The following FHIT variants were observed in gnomAD, a reference collection of about 807,000 sequenced individuals.
The protein encoded by FHIT is fragile histidine triad diadenosine triphosphatase, also known as bis(5'-adenosyl)-triphosphatase.
FHIT carries 19 observed loss-of-function variants against 17.9 expected under a neutral mutation model. That is an observed-to-expected ratio of 1.06 (90% confidence interval 0.74 to 1.56). FHIT has a LOEUF of 1.56. FHIT is among the 40% of genes most tolerant of loss of function. The pLI is 0.00. For synonymous variants in FHIT, 81 were observed against 69.7 expected, an observed-to-expected ratio of 1.16 and a Z score of -0.81; for missense variants, 248 against 189.2, an observed-to-expected ratio of 1.31 and a Z score of -1.82.
chr3:60,367,972 G>A (rs1358458736), intron 5 of FHIT, among the ~76,000 whole-genome samples: 1 of 152,072 alleles, frequency 6.6e-6, no homozygotes, highest in Non-Finnish European at 1.5e-5. Context: ...ACAGGTATTA[G>A]AAATTTTTCT....
At chr3:60,362,010 CTG>C (rs1699924888) in intron 5 of FHIT, among the ~76,000 whole-genome samples, 1 of 152,152 alleles carries the variant, frequency 6.6e-6, no homozygotes, top group South Asian at 2.1e-4. Flanking sequence ...CTCAACCAAA[CTG>C]TGCACACATC....
chr3:60,546,708 G>A (rs182178860), intron 4 of FHIT, among the ~76,000 whole-genome samples: 205 of 152,200 alleles, frequency 1.3e-3, no homozygotes, highest in Non-Finnish European at 2.0e-3. Context: ...ACACTTTTGA[G>A]TGGATAAAGA....
At chr3:60,089,619 C>G (rs906646255) in intron 5 of FHIT, among the ~76,000 whole-genome samples, 1 of 152,138 alleles carries the variant, frequency 6.6e-6, no homozygotes, top group African/African-American at 2.4e-5. Context: ...GAAAGGCTTA[C>G]CCACTGTCTT....
intron 4 of FHIT, among the ~76,000 whole-genome samples, chr3:60,802,933 C>A (rs1701243989): frequency 6.6e-6 from 1 of 152,170 alleles, no homozygotes; most frequent in African/African-American, 2.4e-5. Flanking sequence ...CCTCTTCTGT[C>A]TTGCCTATGT....
intron 8 of FHIT, among the ~76,000 whole-genome samples, chr3:59,788,881 G>GTTTTGTTTTTTTTTTTTTTTT (rs1553677013): frequency 1.2e-5 from 1 of 86,804 alleles, no homozygotes; most frequent in African/African-American, 4.6e-5. Flanking sequence ...GAGTTCATAT[G>GTTTTGTTTTTTTTTTTTTTTT]TTTTTTTTTT....
At chr3:60,719,296 C>T (rs887407939) in intron 4 of FHIT, among the ~76,000 whole-genome samples, 1 of 152,130 alleles carries the variant, frequency 6.6e-6, no homozygotes, top group African/African-American at 2.4e-5. Flanking sequence ...CCAATTTGAC[C>T]TTAAAAATCT....
chr3:60,316,948 A>G (rs1406309708), intron 5 of FHIT, among the ~76,000 whole-genome samples: 1 of 152,198 alleles, frequency 6.6e-6, no homozygotes, highest in Non-Finnish European at 1.5e-5. Flanking sequence ...CGATTGAAAT[A>G]AAATCTCTGG....
intron 4 of FHIT, among the ~76,000 whole-genome samples, chr3:60,798,424 C>A (rs2594165): frequency 0.39 from 59,791 of 151,830 alleles, 13,186 homozygotes; most frequent in East Asian, 0.78. Flanking sequence ...ATATTTGGCC[C>A]ATTTTCAATC....
chr3:60,462,640 T>C (rs539057693), intron 5 of FHIT, among the ~76,000 whole-genome samples: 1 of 152,032 alleles, frequency 6.6e-6, no homozygotes, highest in South Asian at 2.1e-4. Context: ...ATAAAGGGCT[T>C]GGAGAGCAGG....
chr3:61,101,394 G>A (rs1442677532), intron 2 of FHIT, among the ~76,000 whole-genome samples: 1 of 152,090 alleles, frequency 6.6e-6, no homozygotes, highest in East Asian at 1.9e-4. Context: ...TATTTCTGGG[G>A]CTCTGTTCTA....
intron 7 of FHIT, among the ~76,000 whole-genome samples, chr3:59,944,506 ATTTT>A (rs1377142389): frequency 1.2e-5 from 1 of 83,682 alleles, no homozygotes; most frequent in African/African-American, 3.4e-5. Context: ...TTTATTAAAC[ATTTT>A]TTTCTTTTTT....
intron 5 of FHIT, among the ~76,000 whole-genome samples, chr3:60,326,989 G>A (rs1709724058): frequency 6.6e-6 from 1 of 152,146 alleles, no homozygotes; most frequent in Non-Finnish European, 1.5e-5. Context: ...GAGATAAGAG[G>A]TGGGAAACAG....
chr3:59,938,059 T>C (rs17302363), intron 7 of FHIT, among the ~76,000 whole-genome samples: 11,087 of 152,250 alleles, frequency 0.073, 506 homozygotes, highest in South Asian at 0.13. Flanking sequence ...TACAAGTCCA[T>C]ATTACCTTTG....
chr3:60,324,699 G>A (rs970301288), intron 5 of FHIT, among the ~76,000 whole-genome samples: 13 of 151,958 alleles, frequency 8.6e-5, no homozygotes, highest in East Asian at 1.9e-4. Context: ...GAACAAATGC[G>A]TCCACTATAT....
intron 3 of FHIT, among the ~76,000 whole-genome samples, chr3:61,041,404 G>C (rs17064337): frequency 7.3e-5 from 11 of 151,476 alleles, no homozygotes; most frequent in East Asian, 1.9e-4. Flanking sequence ...CAAGACTACC[G>C]AGAATCCGCA....
intron 8 of FHIT, among the ~76,000 whole-genome samples, chr3:59,874,816 C>G (rs1703080152): frequency 2.6e-5 from 4 of 152,144 alleles, no homozygotes; most frequent in Admixed American, 2.0e-4. Context: ...GCCACAAGCT[C>G]TTCTATGGGC....
At chr3:60,447,690 G>T (rs2031437952) in intron 5 of FHIT, among the ~76,000 whole-genome samples, 1 of 152,094 alleles carries the variant, frequency 6.6e-6, no homozygotes, top group Admixed American at 6.6e-5. Flanking sequence ...ACACCCACTA[G>T]TAAGTTTATC....
chr3:60,130,796 C>CACATATATATGTGTGTGTGTGTGTAT (rs1559660762), intron 5 of FHIT, among the ~76,000 whole-genome samples: 3 of 132,854 alleles, frequency 2.3e-5, no homozygotes, highest in Non-Finnish European at 3.2e-5. Context: ...TGTGTATATA[C>CACATATATATGTGTGTGTGTGTGTAT]ACACATATAT....
intron 5 of FHIT, among the ~76,000 whole-genome samples, chr3:60,129,040 T>TC (rs1699394795): frequency 7.2e-6 from 1 of 139,154 alleles, no homozygotes; most frequent in African/African-American, 2.8e-5. Context: ...TTTTCTTCTT[T>TC]CCTTTTTTGT....
Sources: allele counts gnomAD v4.1 joint callset (sites outside exome capture counted in the v4.1 genomes callset), GRCh38; gene constraint gnomAD v4.1.1; transcripts MANE v1.5; gene names NCBI Gene and HGNC (gene_info 2026-07-23, HGNC 2026-07-21).